The following SBF1 variants were observed in gnomAD, a reference collection of about 807,000 sequenced individuals.
SBF1 encodes myotubularin-related protein 5.
In SBF1, 65 loss-of-function variants were observed where a neutral mutation model predicts 215.8. The ratio of observed to expected loss-of-function variants is 0.30; its 90% CI spans 0.25 to 0.37. SBF1 has a LOEUF of 0.37. Ranked by LOEUF, SBF1 falls within the 10% of genes least tolerant of loss-of-function variation. The probability of loss-of-function intolerance (pLI) is 1.00; values close to 1 mark genes in which losing one functional copy is unlikely to be tolerated. For synonymous variants in SBF1, 1,410 were observed against 1,122.8 expected (o/e 1.26, Z -5.11); for missense variants, 2,634 against 2,667.8 (o/e 0.99, Z 0.28).
chr22:50,460,494 G>A, intron 24 of SBF1, 40 bp downstream of exon 24: 2 of 1,610,766 alleles, frequency 1.2e-6, no homozygotes, highest in Non-Finnish European at 1.7e-6. Context: ...CGGGAACACG[G>A]CTGAGGCCCA....
At chr22:50,449,631 C>CACACACACAT (rs1326575233) in intron 36 of SBF1, among the ~76,000 whole-genome samples, 12 of 124,748 alleles carry the variant, frequency 9.6e-5, no homozygotes, top group South Asian at 7.6e-4. Flanking sequence ...CACAAACACA[C>CACACACACAT]ACACACACAC....
chr22:50,467,165 C>G (rs2067802514), intron 5 of SBF1, 173 bp downstream of exon 5: 1 of 613,080 alleles, frequency 1.6e-6, no homozygotes, highest in Non-Finnish European at 2.9e-6. Flanking sequence ...AGCACAGGTG[C>G]GAGGGCCAGG....
chr22:50,474,946 G>A lies in SBF1; in HGVS notation c.-106C>T. Reference sequence around the variant, plus strand: ...GCCCCGGCCCTGGACCGCGCACCCCGGACACCCCTGGTTCGCTCCGCGGCG... The same window carrying A: ...GCCCCGGCCCTGGACCGCGCACCCCAGACACCCCTGGTTCGCTCCGCGGCG... On this transcript the variant is annotated 5_prime_UTR_variant, in exon 1 of 41. Coordinates refer to ENST00000380817, the MANE Select transcript of SBF1 (RefSeq NM_002972.4). The A allele has an allele frequency of 3.9e-6, 3 of 762,714 alleles. No homozygotes were observed. The highest frequency in any genetic ancestry group is 3.5e-6 in the Non-Finnish European group (2 of 573,796). The allele number at this position is 762,714 out of a possible 1,614,324, so 47.2% of individuals were successfully genotyped here. A position where few individuals can be genotyped will look rare whatever the true frequency, so the allele number is the denominator to read the frequency against.
At position 50,446,754 on chromosome 22, in the gene SBF1, G is replaced by C. The variant is rs1325947047; in HGVS notation, c.*388C>G. ...TGGATAGGGGCAGATGGGACCCTCT[G>C]GGTAGGCCGAGAGCAGGCAGCCGGG... On this transcript the variant is annotated 3_prime_UTR_variant, in exon 41 of 41. Coordinates refer to ENST00000380817, the MANE Select transcript of SBF1 (RefSeq NM_002972.4). 3 of 514,846 alleles carry C rather than the reference G, an allele frequency of 5.8e-6. No individual in the cohort carries two copies. The highest frequency in any genetic ancestry group is 5.7e-5 in the African/African-American group (3 of 52,832). 31.9% of individuals were successfully genotyped at this position (514,846 alleles called of 1,614,324 possible). A position where few individuals can be genotyped will look rare whatever the true frequency, so the allele number is the denominator to read the frequency against.
chr22:50,467,826 C>G lies in SBF1; in HGVS notation c.239G>C (p.Cys80Ser). 1 of 1,613,968 alleles carries G rather than the reference C, an allele frequency of 6.2e-7. No homozygotes were observed. The highest frequency in any genetic ancestry group is 2.2e-5 in the East Asian group (1 of 44,876). The change falls in exon 3 of 41, where the codon TGC becomes TCC. Residue 80 changes from cysteine to serine, a missense_variant. Physicochemically the swap from Cys to Ser is moderately radical, Grantham distance 112. Transcript: ENST00000380817. ...TGGCTCCCAGAAGGTCAAGCAGGCG[C>G]AGTAGTGGCGCTCGGAGTTGATGTC... ...LTDINSERHYCACLTFWEPAE... is the reference protein window; with the variant it reads ...LTDINSERHYSACLTFWEPAE...
rs1242900664 is a variant in SBF1 at position 50,455,541 on chromosome 22, G to A, written c.4308C>T (p.Leu1436=). ...LLQVSVLVVE[L]LDSGSSVLVG... ...CCAGCACGGAGGAGCCTGAATCCAGGAGCTCCACCACCAGCACAGACACCT... is the reference window on the plus strand; with the variant it reads ...CCAGCACGGAGGAGCCTGAATCCAGAAGCTCCACCACCAGCACAGACACCT... The change falls in exon 32 of 41, where the codon CTC becomes CTT. Residue 1436 remains leucine (L), a synonymous_variant. Coordinates refer to ENST00000380817, the MANE Select transcript of SBF1 (RefSeq NM_002972.4). 2 of 1,596,538 alleles carry A rather than the reference G, an allele frequency of 1.3e-6. No individual in the cohort carries two copies. Among genetic ancestry groups the A allele is most frequent in the Non-Finnish European group, 1.7e-6 (2 of 1,171,866 alleles).
rs567635223 is a variant in SBF1, at chr22:50,446,957, G to A, written c.*185C>T. 466 of 710,986 alleles carry A rather than the reference G, an allele frequency of 6.6e-4. 2 individuals carry two copies. In the African/African-American group the frequency reaches 6.9e-3, roughly 11 times the overall value. The allele number at this position is 710,986 out of a possible 1,614,324, so 44.0% of individuals were successfully genotyped here. Reference sequence around the variant, plus strand: ...TCCCGGCACGGTGCTCAGCTGTGACGCCAAAATAAGTTAGGGCCGGCCGGG... The same window carrying A: ...TCCCGGCACGGTGCTCAGCTGTGACACCAAAATAAGTTAGGGCCGGCCGGG... On this transcript the variant is annotated 3_prime_UTR_variant, in exon 41 of 41. Transcript: ENST00000380817.
At chr22:50,463,559 G>T in intron 15 of SBF1, 127 bp from the exon 16 acceptor site, 2 of 1,072,490 alleles carry the variant, frequency 1.9e-6, no homozygotes, top group Non-Finnish European at 2.6e-6. Context: ...AGACTCTGGG[G>T]CTTTGCCGAC....
chr22:50,456,453 G>T (rs1445999040), intron 30 of SBF1, 39 bp downstream of exon 30: 2 of 1,520,046 alleles, frequency 1.3e-6, no homozygotes, highest in East Asian at 4.9e-5. Flanking sequence ...CCCCTGCCGA[G>T]CCCCCACCCT....
chr22:50,460,825 GC>G, intron 23 of SBF1, 113 bp from the exon 24 acceptor site: 1 of 1,214,978 alleles, frequency 8.2e-7, no homozygotes, highest in South Asian at 1.4e-5. Context: ...AGAGAAGCAG[GC>G]CCCAGGCAAA....
intron 5 of SBF1, 113 bp downstream of exon 5, chr22:50,467,225 G>A (rs1440836023): frequency 3.6e-6 from 3 of 839,076 alleles, no homozygotes; most frequent in East Asian, 2.5e-5. Context: ...GACGCAAGAG[G>A]GAGCATCCAA....
rs1398514304 is a variant in SBF1, at chr22:50,467,695, T to C, written c.280-5A>G. 1.2e-6 allele frequency: 1 copy of C among 819,264 alleles called. No homozygotes were observed. Among genetic ancestry groups the C allele is most frequent in the African/African-American group, 2.0e-5 (1 of 51,242 alleles). 50.7% of individuals were successfully genotyped at this position (819,264 alleles called of 1,614,324 possible). The stretch of plus-strand genomic sequence containing the variant: ...ATCCTCCACGCGCGTCGTTTCCTGC[T>C]GGGGGTCAGGGGGAGACGGGGGCAG... On this transcript the variant is annotated splice_polypyrimidine_tract_variant and splice_region_variant and intron_variant, in intron 3 of 40. Transcript: ENST00000380817.
rs930212857 is a variant in SBF1 at position 50,460,396 on chromosome 22, C to A, written c.3159G>T (p.Arg1053=). 12 of 1,611,720 alleles carry A rather than the reference C, an allele frequency of 7.4e-6. No individual in the cohort carries two copies. The highest frequency in any genetic ancestry group is 1.0e-5 in the Non-Finnish European group (12 of 1,178,586). ...TCTTCTTGGCGTTCTTGACCAGGTT[C>A]CGGGACAGGGTTCTGAGGCCCACGA... is the stretch of plus-strand genomic sequence containing the variant. ...DKGPSLRTLS[R]NLVKNAKKTI... is the part of the protein sequence containing the mutation. The change falls in exon 25 of 41, where the codon CGG becomes CGT. Residue 1053 remains arginine (R), a synonymous_variant. Transcript: ENST00000380817.
At chr22:50,466,567 G>T in intron 6 of SBF1, 38 bp downstream of exon 6, 1 of 1,533,198 alleles carries the variant, frequency 6.5e-7, no homozygotes, top group Non-Finnish European at 8.8e-7. Context: ...ACCAGTCCCC[G>T]AGGGGAAGCC....
Position 50,462,951 on chromosome 22 carries a change from CGA to C in SBF1, c.1900-15_1900-14del, listed in dbSNP as rs756095889. ...GAGAAGTGCAGTCCTGCAGGTAGAGCGAGAGACCGTCAGGACCTCTCCCCTCC... is the reference window on the plus strand; with the variant it reads ...GAGAAGTGCAGTCCTGCAGGTAGAGCGAGACCGTCAGGACCTCTCCCCTCC... On this transcript the variant is annotated splice_polypyrimidine_tract_variant and intron_variant, in intron 16 of 40. Transcript: ENST00000380817. 2.5e-6 allele frequency: 4 copies of C among 1,608,714 alleles called. No homozygotes were observed. The highest frequency in any genetic ancestry group is 3.4e-6 in the Non-Finnish European group (4 of 1,177,938).
chr22:50,473,282 G>A (rs997302908), intron 1 of SBF1, among the ~76,000 whole-genome samples: 3 of 151,970 alleles, frequency 2.0e-5, no homozygotes, highest in Non-Finnish European at 2.9e-5. Flanking sequence ...GGCCCCTCAC[G>A]CCAAGACAGC....
In SBF1 at chr22:50,459,682, G is replaced by A. The variant is rs539158830; in HGVS notation, c.3492-16C>T. ...CCCTGGGTAGCTGAGAGGAGGCAGA[G>A]GCGTGAAGGTGGCTGGCGACCCCAC... On this transcript the variant is annotated splice_polypyrimidine_tract_variant and intron_variant, in intron 26 of 40. Coordinates refer to ENST00000380817, the MANE Select transcript of SBF1 (RefSeq NM_002972.4). 9 of 1,588,672 alleles carry A rather than the reference G, an allele frequency of 5.7e-6. No individual in the cohort carries two copies. Among genetic ancestry groups the A allele is most frequent in the Non-Finnish European group, 7.7e-6 (9 of 1,170,422 alleles).
At chr22:50,453,354 C>T (rs1315252231) in intron 36 of SBF1, among the ~76,000 whole-genome samples, 4 of 152,202 alleles carry the variant, frequency 2.6e-5, no homozygotes, top group African/African-American at 4.8e-5. Context: ...CATCACAAAC[C>T]ATGACTCCCG....
chr22:50,473,807 G>A (rs1023856565), intron 1 of SBF1, among the ~76,000 whole-genome samples: 1 of 152,210 alleles, frequency 6.6e-6, no homozygotes, highest in East Asian at 1.9e-4. Flanking sequence ...GTCTGCAGCT[G>A]GGATCTGACA....
Sources: gnomAD v4.1 joint callset for allele counts (sites outside exome capture counted in the v4.1 genomes callset) on GRCh38, gnomAD v4.1.1 for gene constraint, MANE v1.5 for transcripts, NCBI Gene and HGNC (gene_info 2026-07-23, HGNC 2026-07-21) for gene names.